The following SLC17A3 variants were observed in gnomAD, a reference collection of about 807,000 sequenced individuals.
SLC17A3 encodes the protein sodium-dependent phosphate transport protein 4.
SLC17A3 carries 61 observed loss-of-function variants against 60.3 expected under a neutral mutation model. That is an observed-to-expected ratio of 1.01 (90% CI 0.82 to 1.25). SLC17A3 has a LOEUF of 1.25. Among genes scored for constraint, SLC17A3 ranks in the 50% most tolerant of loss-of-function variants. The probability of loss-of-function intolerance (pLI) is 0.00; values close to 1 mark genes in which losing one functional copy is unlikely to be tolerated. For synonymous variants in SLC17A3, 192 were observed against 208.9 expected (o/e 0.92, Z 0.70); for missense variants, 624 against 594.9 (o/e 1.05, Z -0.51).
In SLC17A3 at chr6:25,868,419, A is replaced by G; in HGVS notation, c.-32T>C. 6.5e-7 allele frequency: 1 copy of G among 1,550,166 alleles called. No individual in the cohort carries two copies. Among genetic ancestry groups the G allele is most frequent in the Non-Finnish European group, 8.9e-7 (1 of 1,122,902 alleles). ...TCTCCTCTCCTAGTGAATGGTTTTC[A>G]CCTATCAGGGAGATATGTAATTCAC... On this transcript the variant is annotated splice_region_variant and 5_prime_UTR_variant, in exon 2 of 13. Transcript: ENST00000397060.
rs1561851670 is a variant in SLC17A3 at position 25,845,083 on chromosome 6, T to C, written c.*218A>G. 2.9e-6 allele frequency: 1 copy of C among 349,828 alleles called. No homozygotes were observed. The highest frequency in any genetic ancestry group is 6.5e-5 in the East Asian group (1 of 15,356). The allele number at this position is 349,828 out of a possible 1,614,324, so 21.7% of individuals were successfully genotyped here. A position where few individuals can be genotyped will look rare whatever the true frequency, so the allele number is the denominator to read the frequency against. On this transcript the variant is annotated 3_prime_UTR_variant, in exon 13 of 13. Coordinates refer to ENST00000397060, the MANE Select transcript of SLC17A3 (RefSeq NM_001098486.2). ...CCCTCTTAATCCATTGTTAATTCTA[T>C]GAAGATGACAACTGCATTCTTAGTT...
chr6:25,870,873 A>G (rs536842044), intron 1 of SLC17A3, among the ~76,000 whole-genome samples: 2 of 152,070 alleles, frequency 1.3e-5, no homozygotes, highest in South Asian at 4.1e-4. Context: ...GATACCATAT[A>G]TGTAATCCAG....
intron 5 of SLC17A3, among the ~76,000 whole-genome samples, chr6:25,858,744 G>A (rs559076033): frequency 1.3e-5 from 2 of 152,146 alleles, no homozygotes; most frequent in South Asian, 4.2e-4. Context: ...CAAATTATAA[G>A]CCAATCTCCA....
intron 11 of SLC17A3, among the ~76,000 whole-genome samples, chr6:25,848,000 G>C (rs1307022100): frequency 6.6e-6 from 1 of 152,110 alleles, no homozygotes; most frequent in Admixed American, 6.5e-5. Flanking sequence ...TATGATGTTT[G>C]GTTTTCCATT....
chr6:25,850,330 G>T (rs1188409200), intron 8 of SLC17A3, 129 bp downstream of exon 8: 4 of 1,307,478 alleles, frequency 3.1e-6, no homozygotes, highest in Non-Finnish European at 4.4e-6. Context: ...AAAGCTACTG[G>T]CATGAGTATT....
At chr6:25,860,024 T>C (rs769354566) in intron 5 of SLC17A3, among the ~76,000 whole-genome samples, 1 of 152,188 alleles carries the variant, frequency 6.6e-6, no homozygotes, top group Non-Finnish European at 1.5e-5. Flanking sequence ...TTTTCCTCCA[T>C]GATAGATGTG....
At chr6:25,858,705 C>G (rs1765399695) in intron 5 of SLC17A3, among the ~76,000 whole-genome samples, 1 of 152,112 alleles carries the variant, frequency 6.6e-6, no homozygotes, top group Admixed American at 6.5e-5. Flanking sequence ...TCAGTATGTC[C>G]TGTTTTTTCT....
chr6:25,868,230 T>C, intron 2 of SLC17A3, 67 bp downstream of exon 2: 1 of 1,095,826 alleles, frequency 9.1e-7, no homozygotes, highest in East Asian at 2.4e-5. Flanking sequence ...TTCATTTTTA[T>C]AGTAATACGT....
At chr6:25,864,970 G>A (rs1369165609) in intron 2 of SLC17A3, among the ~76,000 whole-genome samples, 2 of 151,928 alleles carry the variant, frequency 1.3e-5, no homozygotes, top group African/African-American at 2.4e-5. Flanking sequence ...CCAGGAGAGT[G>A]CGGTGTCCTG....
rs988582300 is a variant in SLC17A3 at position 25,849,370 on chromosome 6, G to A, written c.1362+4C>T. On this transcript the variant is annotated splice_donor_region_variant and intron_variant, in intron 11 of 12. Coordinates refer to ENST00000397060, the MANE Select transcript of SLC17A3 (RefSeq NM_001098486.2). Reference sequence around the variant, plus strand: ...TGGAGTCCTTCATGACAAAAAAATTGTACCTGACTAAGAAGAAATCCACTG... The same window carrying A: ...TGGAGTCCTTCATGACAAAAAAATTATACCTGACTAAGAAGAAATCCACTG... 2 of 1,571,650 alleles carry A rather than the reference G, an allele frequency of 1.3e-6. No homozygotes were observed. The highest frequency in any genetic ancestry group is 3.3e-5 in the Admixed American group (2 of 59,904).
intron 3 of SLC17A3, 59 bp from the exon 4 acceptor site, chr6:25,862,088 A>T: frequency 1.4e-6 from 2 of 1,451,274 alleles, no homozygotes; most frequent in Non-Finnish European, 1.9e-6. Flanking sequence ...TACATACCCT[A>T]GAAAGCTCCT....
At chr6:25,867,575 T>A (rs1765556848) in intron 2 of SLC17A3, among the ~76,000 whole-genome samples, 1 of 152,028 alleles carries the variant, frequency 6.6e-6, no homozygotes, top group African/African-American at 2.4e-5. Flanking sequence ...TTCATAAACA[T>A]CTAATAACCT....
At chr6:25,864,266 A>G (rs970565394) in intron 2 of SLC17A3, among the ~76,000 whole-genome samples, 2 of 151,944 alleles carry the variant, frequency 1.3e-5, no homozygotes, top group African/African-American at 4.8e-5. Flanking sequence ...CATTGCAGGT[A>G]CTTTGGCTTT....
intron 6 of SLC17A3, among the ~76,000 whole-genome samples, chr6:25,852,617 G>A (rs192255028): frequency 6.6e-6 from 1 of 152,014 alleles, no homozygotes; most frequent in East Asian, 1.9e-4. Flanking sequence ...TCCATTCAGT[G>A]CATTTTTCAT....
At chr6:25,849,508 G>T in intron 10 of SLC17A3, 44 bp from the exon 11 acceptor site, 1 of 1,196,340 alleles carries the variant, frequency 8.4e-7, no homozygotes, top group Non-Finnish European at 1.3e-6. Context: ...AGAGATGTTT[G>T]ACAGTATCCT....
At chr6:25,859,155 T>C (rs952785053) in intron 5 of SLC17A3, among the ~76,000 whole-genome samples, 1 of 152,224 alleles carries the variant, frequency 6.6e-6, no homozygotes, top group African/African-American at 2.4e-5. Context: ...TCATAAACTA[T>C]GTAAATTAAA....
chr6:25,862,093 G>T (rs2151524848), intron 3 of SLC17A3, 64 bp from the exon 4 acceptor site: 2 of 1,432,904 alleles, frequency 1.4e-6, no homozygotes, highest in African/African-American at 1.4e-5. Flanking sequence ...ACCCTAGAAA[G>T]CTCCTTTAGA....
chr6:25,852,214 A>G (rs1361958011), intron 6 of SLC17A3, among the ~76,000 whole-genome samples: 2 of 152,092 alleles, frequency 1.3e-5, no homozygotes, highest in Non-Finnish European at 2.9e-5. Context: ...TGCATTCAGC[A>G]TTATCTTTGT....
In SLC17A3 at chr6:25,845,225, G is replaced by T; in HGVS notation, c.*76C>A. On this transcript the variant is annotated 3_prime_UTR_variant, in exon 13 of 13. Transcript: ENST00000397060. ...ACAGGAAAAAAAAAATCTTTTCACT[G>T]GTATTTTCATCACGGAAGCCTTCTA... 1 of 772,372 alleles carries T rather than the reference G, an allele frequency of 1.3e-6. No individual in the cohort carries two copies. Among genetic ancestry groups the T allele is most frequent in the Non-Finnish European group, 2.1e-6 (1 of 479,568 alleles). 47.8% of individuals were successfully genotyped at this position (772,372 alleles called of 1,614,324 possible). A position where few individuals can be genotyped will look rare whatever the true frequency, so the allele number is the denominator to read the frequency against.
Sources: allele counts gnomAD v4.1 joint callset (sites outside exome capture counted in the v4.1 genomes callset), GRCh38; gene constraint gnomAD v4.1.1; transcripts MANE v1.5; gene names NCBI Gene and HGNC (gene_info 2026-07-23, HGNC 2026-07-21).